The following CDCP1 variants were observed in gnomAD, a reference collection of about 807,000 sequenced individuals.
CDCP1 encodes the protein CUB domain containing protein 1.
CDCP1 carries 29 observed loss-of-function variants against 60.2 expected under a neutral mutation model. The observed-to-expected ratio is 0.48, with a 90% CI of 0.36 to 0.66. The LOEUF (loss-of-function observed/expected upper bound fraction) is 0.66, where lower values mean the gene tolerates loss of function less well. Among genes scored for constraint, CDCP1 ranks in the 30% least tolerant of loss-of-function variants. The probability of loss-of-function intolerance (pLI) is 0.00; values close to 1 mark genes in which losing one functional copy is unlikely to be tolerated. For missense variants in CDCP1, 876 were observed against 1,074.3 expected (o/e 0.82, Z 2.58); for synonymous variants, 387 against 431.1 (o/e 0.90, Z 1.27).
intron 1 of CDCP1, among the ~76,000 whole-genome samples, chr3:45,142,772 A>G: frequency 7.0e-6 from 1 of 142,598 alleles, no homozygotes; most frequent in East Asian, 2.1e-4. Context: ...GCGTGCAAAG[A>G]CCTAAGAACC....
chr3:45,100,305 T>C (rs1698468883), intron 4 of CDCP1, among the ~76,000 whole-genome samples: 1 of 152,218 alleles, frequency 6.6e-6, no homozygotes, highest in Non-Finnish European at 1.5e-5. Context: ...ACCTCCACCT[T>C]CAGTGTGACT....
intron 1 of CDCP1, among the ~76,000 whole-genome samples, chr3:45,125,633 G>T (rs1028541296): frequency 1.8e-4 from 27 of 152,160 alleles, no homozygotes; most frequent in Admixed American, 1.8e-3. Context: ...ACCATTGAAG[G>T]GTGCTAAGCA....
At chr3:45,107,005 C>G (rs1393050258) in intron 4 of CDCP1, among the ~76,000 whole-genome samples, 2 of 152,142 alleles carry the variant, frequency 1.3e-5, no homozygotes, top group Non-Finnish European at 2.9e-5. Flanking sequence ...CAGATGGGGC[C>G]TCCTGCACAG....
rs750273800 is a variant in CDCP1, at chr3:45,118,578, A to T, written c.126T>A (p.Val42=). 3.7e-6 allele frequency: 6 copies of T among 1,614,060 alleles called. No individual in the cohort carries two copies. The South Asian group carries it at 6.6e-5, about 18-fold the overall frequency. Reference sequence around the variant, plus strand: ...GAGTCGGGGTCCCCAGCTTTATGAGAACTGTAATGTTGCTTTCTCGTGGCA... The same window carrying T: ...GAGTCGGGGTCCCCAGCTTTATGAGTACTGTAATGTTGCTTTCTCGTGGCA... ...IALPRESNIT[V]LIKLGTPTLL... The change falls in exon 2 of 9, where the codon GTT becomes GTA. Residue 42 remains valine (V), a synonymous_variant. Coordinates refer to ENST00000296129, the MANE Select transcript of CDCP1 (RefSeq NM_022842.5).
chr3:45,110,470 C>T lies in CDCP1; in HGVS notation c.1024+3G>A. On this transcript the variant is annotated splice_donor_region_variant and intron_variant, in intron 4 of 8. Coordinates refer to ENST00000296129, the MANE Select transcript of CDCP1 (RefSeq NM_022842.5). ...AAGAAAAAGGAAAGTGGGGCTCACT[C>T]ACTGCTTTCATTTTGTGGATGTTGG... 2 of 1,613,550 alleles carry T rather than the reference C, an allele frequency of 1.2e-6. No individual in the cohort carries two copies. The highest frequency in any genetic ancestry group is 1.7e-6 in the Non-Finnish European group (2 of 1,179,512).
At chr3:45,100,657 C>G (rs1229561250) in intron 4 of CDCP1, among the ~76,000 whole-genome samples, 1 of 152,032 alleles carries the variant, frequency 6.6e-6, no homozygotes, top group East Asian at 1.9e-4. Context: ...AATTTTATGT[C>G]TTTAAAAATA....
chr3:45,146,216 CG>C lies in CDCP1; in HGVS notation c.71del (p.Pro24ArgfsTer21). On this transcript the variant is annotated frameshift_variant, in exon 1 of 9. Coordinates refer to ENST00000296129, the MANE Select transcript of CDCP1 (RefSeq NM_022842.5). LOFTEE classifies it high-confidence loss of function. ...GVLLLGAARL[P>X]RGAEAFEIAL... ...AAGCCCGGCACTCACCTGCCCCGCG[CG>C]GCAGGCGCGCCGCACCCAGCAGCAG... The C allele has an allele frequency of 6.3e-7, 1 of 1,594,528 alleles. No homozygotes were observed. The highest frequency in any genetic ancestry group is 8.5e-7 in the Non-Finnish European group (1 of 1,172,830).
At chr3:45,111,058 G>C (rs1559393691) in intron 3 of CDCP1, among the ~76,000 whole-genome samples, 2 of 152,214 alleles carry the variant, frequency 1.3e-5, no homozygotes, top group South Asian at 4.1e-4. Context: ...TCCAGTGGTA[G>C]AGGGGAGAGC....
Position 45,082,602 on chromosome 3 carries a change from A to G in CDCP1, c.*3036T>C, listed in dbSNP as rs1219320284. ...TATCTGCAATGAATAAATTATTTCC[A>G]GTGAAGCACTGCAGATCCACACACA... On this transcript the variant is annotated 3_prime_UTR_variant, in exon 9 of 9. Coordinates refer to ENST00000296129, the MANE Select transcript of CDCP1 (RefSeq NM_022842.5). The G allele has an allele frequency of 1.3e-5, 2 of 152,228 alleles. No individual in the cohort carries two copies. The highest frequency in any genetic ancestry group is 4.8e-5 in the African/African-American group (2 of 41,456). 9.4% of individuals were successfully genotyped at this position (152,228 alleles called of 1,614,324 possible). A position where few individuals can be genotyped will look rare whatever the true frequency, so the allele number is the denominator to read the frequency against.
intron 1 of CDCP1, among the ~76,000 whole-genome samples, chr3:45,132,360 T>C (rs1699115059): frequency 6.6e-6 from 1 of 152,206 alleles, no homozygotes; most frequent in South Asian, 2.1e-4. Flanking sequence ...CATCCGGCTA[T>C]TTCTACCTTA....
chr3:45,106,613 G>T (rs1455561168), intron 4 of CDCP1, among the ~76,000 whole-genome samples: 2 of 152,198 alleles, frequency 1.3e-5, no homozygotes, highest in Non-Finnish European at 2.9e-5. Flanking sequence ...ATTCCTGACT[G>T]GGAGGAGTTT....
chr3:45,091,547 AAGGG>A lies in CDCP1; in HGVS notation c.1628-13_1628-10del. 6.3e-7 allele frequency: 1 copy of A among 1,590,604 alleles called. No homozygotes were observed. Among genetic ancestry groups the A allele is most frequent in the Non-Finnish European group, 8.5e-7 (1 of 1,170,540 alleles). On this transcript the variant is annotated splice_polypyrimidine_tract_variant and intron_variant, in intron 6 of 8. Coordinates refer to ENST00000296129, the MANE Select transcript of CDCP1 (RefSeq NM_022842.5). This position sits in a 1 kb window ranked among gnomAD's most constrained non-coding sequence, Gnocchi z 4.8. ...CGTGAAAACGCCTTCCTCTGCAGGA[AAGGG>A]AGGGAGATCCAGACAGATGTTTCAT...
intron 1 of CDCP1, among the ~76,000 whole-genome samples, chr3:45,126,251 T>TTCTTC (rs1553611042): frequency 1.4e-5 from 2 of 143,154 alleles, no homozygotes; most frequent in African/African-American, 5.3e-5. Context: ...TCCTTCCTTC[T>TTCTTC]TCTCTCTCTC....
rs534201471 is a variant in CDCP1, at chr3:45,088,859, T to TC, written c.2081+194dup. Among the ~76,000 whole-genome samples, 254 of 151,118 alleles carry TC rather than the reference T, an allele frequency of 1.7e-3. 1 individual carries two copies. The highest frequency in any genetic ancestry group is 2.8e-3 in the Non-Finnish European group (188 of 67,846). On this transcript the variant is annotated intron_variant, in intron 8 of 8. Coordinates refer to ENST00000296129, the MANE Select transcript of CDCP1 (RefSeq NM_022842.5). ...AGGTGAAAATGTCACGTGTGTTTTA[T>TC]CCCCCCCTCACCCCCAGGCATGGGA...
chr3:45,140,389 C>A (rs1212149680), intron 1 of CDCP1, among the ~76,000 whole-genome samples: 1 of 152,236 alleles, frequency 6.6e-6, no homozygotes, highest in Non-Finnish European at 1.5e-5. Context: ...ATCATTTGCA[C>A]TTCATTTAAA....
chr3:45,111,937 A>G (rs1334919077), intron 3 of CDCP1, 146 bp downstream of exon 3: 4 of 1,028,634 alleles, frequency 3.9e-6, no homozygotes, highest in Non-Finnish European at 5.5e-6. Flanking sequence ...TGCATGACCC[A>G]TGTCACTTAT....
At chr3:45,113,977 T>C (rs1698741787) in intron 2 of CDCP1, among the ~76,000 whole-genome samples, 1 of 152,216 alleles carries the variant, frequency 6.6e-6, no homozygotes, top group Non-Finnish European at 1.5e-5. Flanking sequence ...CTAGGTTCTG[T>C]ACTCTTGTGG....
At chr3:45,088,245 G>T (rs1698233514) in intron 8 of CDCP1, among the ~76,000 whole-genome samples, 1 of 152,164 alleles carries the variant, frequency 6.6e-6, no homozygotes. Flanking sequence ...ATTTTGGGAA[G>T]CCAAGGTGGG....
intron 2 of CDCP1, among the ~76,000 whole-genome samples, chr3:45,118,092 C>T (rs762315216): frequency 2.0e-5 from 3 of 152,240 alleles, no homozygotes; most frequent in Non-Finnish European, 2.9e-5. Context: ...CCTATGTGCA[C>T]AGTGGCTAAG....
Sources: allele counts gnomAD v4.1 joint callset (sites outside exome capture counted in the v4.1 genomes callset), GRCh38; gene constraint gnomAD v4.1.1; non-coding constraint Gnocchi (gnomAD v3.1); transcripts MANE v1.5; gene names NCBI Gene and HGNC (gene_info 2026-07-23, HGNC 2026-07-21).